Variants in NPAS3 observed in about 807,000 individuals in gnomAD.
NPAS3 encodes the protein neuronal PAS domain-containing protein 3.
In NPAS3, 14 loss-of-function variants were observed where a neutral mutation model predicts 73.1. The ratio of observed to expected loss-of-function variants is 0.19; its 90% CI spans 0.13 to 0.30. NPAS3 has a LOEUF of 0.30. Ranked by LOEUF, NPAS3 falls within the 10% of genes least tolerant of loss-of-function variation. NPAS3 has a pLI of 1.00. For missense variants in NPAS3, 1,096 were observed against 1,250.0 expected (o/e 0.88, Z 1.86); for synonymous variants, 620 against 541.5 (o/e 1.14, Z -2.01).
intron 2 of NPAS3, among the ~76,000 whole-genome samples, chr14:33,071,760 C>T (rs1282717635): frequency 6.6e-6 from 1 of 151,860 alleles, no homozygotes; most frequent in Non-Finnish European, 1.5e-5. Context: ...TGGTAACAGC[C>T]CCACAATAAA....
In NPAS3 at chr14:32,971,088, C is replaced by CTT. The variant is rs61429455; in HGVS notation, c.50+31735_50+31736dup. Among the ~76,000 whole-genome samples the CTT allele has an allele frequency of 4.9e-3, 690 of 142,118 alleles. 7 individuals carry two copies. The highest frequency in any genetic ancestry group is 0.013 in the African/African-American group (508 of 38,536). 93.2% of individuals were successfully genotyped at this position (142,118 alleles called of 152,430 possible). On this transcript the variant is annotated intron_variant, in intron 1 of 11. Coordinates refer to ENST00000356141, the Ensembl canonical transcript of NPAS3. ...AATGATTTCTGTGTCTTTCTTTTTT[C>CTT]TTTTTTTTTTTTTTGAGACAGGGTC...
At chr14:33,572,727 T>C (rs901691573) in intron 5 of NPAS3, among the ~76,000 whole-genome samples, 4 of 152,150 alleles carry the variant, frequency 2.6e-5, no homozygotes, top group African/African-American at 9.7e-5. Context: ...CTCAGAGCCA[T>C]AAAATAGTTA....
chr14:33,159,678 T>C (rs574110762), intron 2 of NPAS3, among the ~76,000 whole-genome samples: 2 of 150,682 alleles, frequency 1.3e-5, no homozygotes, highest in African/African-American at 4.9e-5. Context: ...CTCAGCCTCC[T>C]GAGTAGCTGG....
intron 3 of NPAS3, among the ~76,000 whole-genome samples, chr14:33,218,498 A>G (rs147431040): frequency 0.015 from 2,313 of 152,324 alleles, 25 homozygotes; most frequent in Middle Eastern, 0.061. Flanking sequence ...AAGGTCTTCT[A>G]TGTTGTGCCC....
At chr14:33,264,092 A>T (rs968570555) in intron 3 of NPAS3, among the ~76,000 whole-genome samples, 1 of 152,232 alleles carries the variant, frequency 6.6e-6, no homozygotes, top group Admixed American at 6.5e-5. Flanking sequence ...CTATGCGGCC[A>T]TAAAAAATGA....
At chr14:33,467,227 G>A (rs2050570286) in intron 4 of NPAS3, among the ~76,000 whole-genome samples, 1 of 152,164 alleles carries the variant, frequency 6.6e-6, no homozygotes. Flanking sequence ...AAAGGCTTAG[G>A]GATTTTGATG....
intron 1 of NPAS3, among the ~76,000 whole-genome samples, chr14:32,989,735 A>G (rs1353785796): frequency 2.0e-5 from 3 of 152,214 alleles, no homozygotes; most frequent in Admixed American, 6.5e-5. Context: ...TCTACTTCCT[A>G]TCACAATACC....
At chr14:32,947,123 T>C (rs2139108337) in intron 1 of NPAS3, among the ~76,000 whole-genome samples, 1 of 152,268 alleles carries the variant, frequency 6.6e-6, no homozygotes, top group East Asian at 1.9e-4. Context: ...TTTTCATTTG[T>C]AAGATTTATA....
chr14:33,625,129 A>G lies in NPAS3; in HGVS notation c.559-51082A>G, dbSNP rs1261597932. Among the ~76,000 whole-genome samples the G allele has an allele frequency of 2.0e-5, 3 of 152,334 alleles. No homozygotes were observed. The East Asian group carries it at 5.8e-4, about 29-fold the overall frequency. On this transcript the variant is annotated intron_variant, in intron 5 of 11. Transcript: ENST00000356141. The stretch of plus-strand genomic sequence containing the variant: ...TTTGTGTTATAATCTTGGTCTTACC[A>G]TGGACCTAATTGGTGACCTTGGCAC...
At chr14:33,230,338 CTG>C (rs1002152278) in intron 3 of NPAS3, among the ~76,000 whole-genome samples, 4 of 152,188 alleles carry the variant, frequency 2.6e-5, no homozygotes, top group African/African-American at 4.8e-5. Flanking sequence ...GATCTGTCCT[CTG>C]TGCTCTGGCT....
At chr14:33,566,269 C>T (rs2055930693) in intron 5 of NPAS3, among the ~76,000 whole-genome samples, 1 of 151,232 alleles carries the variant, frequency 6.6e-6, no homozygotes. Context: ...TGACTGCATG[C>T]TGTCCGAGTG....
chr14:33,531,494 A>G (rs1449150348), intron 4 of NPAS3, among the ~76,000 whole-genome samples: 1 of 152,170 alleles, frequency 6.6e-6, no homozygotes, highest in East Asian at 1.9e-4. Context: ...AGCGTAATGC[A>G]CTTGAGACTC....
intron 4 of NPAS3, among the ~76,000 whole-genome samples, chr14:33,447,992 A>T (rs907792767): frequency 1.3e-5 from 2 of 152,214 alleles, no homozygotes; most frequent in Non-Finnish European, 2.9e-5. Flanking sequence ...GAGTCTCTAC[A>T]TGTGTGGCAG....
chr14:33,568,111 A>C (rs1203661157), intron 5 of NPAS3, among the ~76,000 whole-genome samples: 2 of 152,230 alleles, frequency 1.3e-5, no homozygotes, highest in Admixed American at 1.3e-4. Flanking sequence ...AGTTGAAGAG[A>C]TCTAAAGTCA....
At chr14:33,049,246 G>A (rs1019081321) in intron 1 of NPAS3, among the ~76,000 whole-genome samples, 1 of 152,184 alleles carries the variant, frequency 6.6e-6, no homozygotes, top group Non-Finnish European at 1.5e-5. Flanking sequence ...ACTGTGGTAA[G>A]TGTTTTACAT....
At chr14:32,981,866 G>A (rs2037912183) in intron 1 of NPAS3, among the ~76,000 whole-genome samples, 1 of 152,092 alleles carries the variant, frequency 6.6e-6, no homozygotes, top group African/African-American at 2.4e-5. Context: ...TTTCCCTTTA[G>A]GCTTCCTTGC....
At chr14:33,159,112 A>G (rs1347262021) in intron 2 of NPAS3, among the ~76,000 whole-genome samples, 1 of 152,202 alleles carries the variant, frequency 6.6e-6, no homozygotes, top group Non-Finnish European at 1.5e-5. Flanking sequence ...CAATGAGCCT[A>G]GATCACACCA....
chr14:33,521,512 T>TAAA, intron 4 of NPAS3, among the ~76,000 whole-genome samples: 1 of 99,570 alleles, frequency 1.0e-5, no homozygotes, highest in Admixed American at 1.1e-4. Flanking sequence ...ATGATCTGCT[T>TAAA]TAAAAAAAAA....
At chr14:33,377,408 G>C (rs954565924) in intron 4 of NPAS3, among the ~76,000 whole-genome samples, 5 of 152,202 alleles carry the variant, frequency 3.3e-5, no homozygotes, top group African/African-American at 1.2e-4. Flanking sequence ...AGAGCTAGAA[G>C]GTAGAACCAG....
Sources: gnomAD v4.1 joint callset for allele counts (sites outside exome capture counted in the v4.1 genomes callset) on GRCh38, gnomAD v4.1.1 for gene constraint, MANE v1.5 for transcripts, NCBI Gene and HGNC (gene_info 2026-07-23, HGNC 2026-07-21) for gene names.